Variants in MAP2K5 observed in about 807,000 individuals in gnomAD.
The protein encoded by MAP2K5 is mitogen-activated protein kinase kinase 5.
MAP2K5 carries 49 observed loss-of-function variants against 83.1 expected under a neutral mutation model. The observed-to-expected ratio is 0.59, with a 90% CI of 0.47 to 0.75. The LOEUF (loss-of-function observed/expected upper bound fraction) is 0.75. Among genes scored for constraint, MAP2K5 ranks in the 30% least tolerant of loss-of-function variants. The pLI is 0.00. For missense variants in MAP2K5, 457 were observed against 557.5 expected (o/e 0.82, Z 1.82); for synonymous variants, 202 against 191.8 (o/e 1.05, Z -0.44).
intron 17 of MAP2K5, among the ~76,000 whole-genome samples, chr15:67,740,080 A>G (rs998309366): frequency 1.3e-5 from 2 of 152,178 alleles, no homozygotes; most frequent in African/African-American, 2.4e-5. Context: ...AGTGACTTTT[A>G]GAGGAGAGTC....
chr15:67,545,402 G>T (rs1455177232), intron 1 of MAP2K5, among the ~76,000 whole-genome samples: 1 of 152,228 alleles, frequency 6.6e-6, no homozygotes, highest in African/African-American at 2.4e-5. Flanking sequence ...CAGAACACTA[G>T]GTTTAGAGTC....
chr15:67,680,840 A>T (rs189005507), intron 13 of MAP2K5, among the ~76,000 whole-genome samples: 1 of 152,324 alleles, frequency 6.6e-6, no homozygotes, highest in Non-Finnish European at 1.5e-5. Context: ...TTGTGATTGG[A>T]TAATGTTAAC....
At chr15:67,642,338 G>A (rs1000777708) in intron 9 of MAP2K5, 3 of 1,084,604 alleles carry the variant, frequency 2.8e-6, no homozygotes, top group African/African-American at 3.2e-5. Context: ...GTGCTGGGGG[G>A]GATAGAAAAA....
At position 67,640,917 on chromosome 15, in the gene MAP2K5, G is replaced by T. The variant is rs761874479; in HGVS notation, c.586-5314G>T. On this transcript the variant is annotated intron_variant, in intron 9 of 21. Coordinates refer to ENST00000178640, the MANE Select transcript of MAP2K5 (RefSeq NM_145160.3). This position sits in a 1 kb window ranked among gnomAD's most constrained non-coding sequence, Gnocchi z 4.6. Reference sequence around the variant, plus strand: ...TCAAAGAGAACATTTTGAAAATGATGCTAATCACATTTTAAAGATAACTAT... The same window carrying T: ...TCAAAGAGAACATTTTGAAAATGATTCTAATCACATTTTAAAGATAACTAT... Among the ~76,000 whole-genome samples, 4 of 152,248 alleles carry T rather than the reference G, an allele frequency of 2.6e-5. No homozygotes were observed. The highest frequency in any genetic ancestry group is 2.0e-4 in the Admixed American group (3 of 15,290).
At position 67,689,989 on chromosome 15, in the gene MAP2K5, C is replaced by G. The variant is rs145062114; in HGVS notation, c.848-2490C>G. Reference sequence around the variant, plus strand: ...GTGCAGCCCAGCGCAAATTTGTAAACTTTGTTAAAACATTATGGGATTTTT... The same window carrying G: ...GTGCAGCCCAGCGCAAATTTGTAAAGTTTGTTAAAACATTATGGGATTTTT... On this transcript the variant is annotated intron_variant, in intron 13 of 21. Coordinates refer to ENST00000178640, the MANE Select transcript of MAP2K5 (RefSeq NM_145160.3). 4.6e-3 allele frequency among the ~76,000 whole-genome samples: 696 copies of G among 152,258 alleles called. 5 individuals are homozygous for G. The highest frequency in any genetic ancestry group is 7.3e-3 in the Non-Finnish European group (498 of 68,020).
rs2090366889 is a variant in MAP2K5, at chr15:67,783,633, C to T, written c.1242+10881C>T. ...AACAGTCAATAAAAGAGACCACAAC[C>T]CCTCGAGGAAGAGATCATGTCTTAT... is the stretch of plus-strand genomic sequence containing the variant. On this transcript the variant is annotated intron_variant, in intron 21 of 21. Transcript: ENST00000178640. This position sits in a 1 kb window ranked among gnomAD's most constrained non-coding sequence, Gnocchi z 5.1. Among the ~76,000 whole-genome samples, 1 of 152,148 alleles carries T rather than the reference C, an allele frequency of 6.6e-6. No individual in the cohort carries two copies. The highest frequency in any genetic ancestry group is 1.5e-5 in the Non-Finnish European group (1 of 68,036).
At chr15:67,742,397 C>T (rs932840055) in intron 17 of MAP2K5, among the ~76,000 whole-genome samples, 24 of 152,238 alleles carry the variant, frequency 1.6e-4, no homozygotes, top group African/African-American at 5.3e-4. Flanking sequence ...ATGAAAGCTC[C>T]GGAAAAACCC....
intron 3 of MAP2K5, among the ~76,000 whole-genome samples, chr15:67,580,172 C>T (rs188136765): frequency 1.4e-3 from 208 of 152,202 alleles, no homozygotes; most frequent in Admixed American, 4.8e-3. Flanking sequence ...CAATTTGATC[C>T]GTACTAAAGT....
intron 21 of MAP2K5, among the ~76,000 whole-genome samples, chr15:67,804,183 G>T (rs1017280075): frequency 6.6e-6 from 1 of 152,096 alleles, no homozygotes; most frequent in African/African-American, 2.4e-5. Flanking sequence ...CCTGCTCTCG[G>T]GTCCTACACA....
intron 6 of MAP2K5, among the ~76,000 whole-genome samples, chr15:67,592,118 C>CAAAAA (rs71142384): frequency 0.67 from 79,095 of 117,662 alleles, 28,451 homozygotes; most frequent in Middle Eastern, 0.75. Context: ...AACTATGTCT[C>CAAAAA]AAAAAAAAAA....
chr15:67,764,096 G>A lies in MAP2K5; in HGVS notation c.1135-5506G>A, dbSNP rs2141293274. On this transcript the variant is annotated intron_variant, in intron 19 of 21. Coordinates refer to ENST00000178640, the MANE Select transcript of MAP2K5 (RefSeq NM_145160.3). The surrounding 1 kb of genome is among the most constrained non-coding windows in gnomAD (Gnocchi z 4.9). ...TGGGCTATTAAAAAACAGTTAGAGG[G>A]CTGGCCATATTTCATTTAACTTGCC... 6.6e-6 allele frequency among the ~76,000 whole-genome samples: 1 copy of A among 152,280 alleles called. No homozygotes were observed. The highest frequency in any genetic ancestry group is 3.4e-3 in the Middle Eastern group (1 of 294).
At chr15:67,798,292 A>G (rs1385903712) in intron 21 of MAP2K5, among the ~76,000 whole-genome samples, 1 of 152,056 alleles carries the variant, frequency 6.6e-6, no homozygotes, top group African/African-American at 2.4e-5. Context: ...CATATCCCCC[A>G]CTGTACAGCC....
intron 19 of MAP2K5, among the ~76,000 whole-genome samples, chr15:67,761,602 A>T (rs12593350): frequency 0.083 from 12,589 of 152,144 alleles, 692 homozygotes; most frequent in Admixed American, 0.1. Context: ...TGGACTTTGG[A>T]TTTACAGTGA....
chr15:67,602,888 G>A (rs1293508413), intron 8 of MAP2K5, among the ~76,000 whole-genome samples: 1 of 152,108 alleles, frequency 6.6e-6, no homozygotes, highest in Admixed American at 6.5e-5. Flanking sequence ...TCCTGACCTC[G>A]TGATTCACCT....
chr15:67,681,155 T>G (rs2087806170), intron 13 of MAP2K5, among the ~76,000 whole-genome samples: 1 of 152,234 alleles, frequency 6.6e-6, no homozygotes, highest in Non-Finnish European at 1.5e-5. Flanking sequence ...TTCATTCTCT[T>G]AACAGCCTTG....
chr15:67,602,836 T>G (rs2085691571), intron 8 of MAP2K5, among the ~76,000 whole-genome samples: 1 of 152,186 alleles, frequency 6.6e-6, no homozygotes, highest in Admixed American at 6.5e-5. Flanking sequence ...GTATTTTTAG[T>G]AGAGATGGGG....
chr15:67,632,760 G>A (rs1236210806), intron 9 of MAP2K5, among the ~76,000 whole-genome samples: 1 of 152,142 alleles, frequency 6.6e-6, no homozygotes, highest in African/African-American at 2.4e-5. Flanking sequence ...AAGAATCAGA[G>A]CAATTACATT....
At chr15:67,549,692 CCT>C (rs1235150091) in intron 1 of MAP2K5, among the ~76,000 whole-genome samples, 1 of 152,154 alleles carries the variant, frequency 6.6e-6, no homozygotes, top group Admixed American at 6.5e-5. Context: ...TCTCAAAACC[CCT>C]CTCTCTTTCA....
rs1056898478 is a variant in MAP2K5, at chr15:67,783,661, T to C, written c.1242+10909T>C. 1.3e-5 allele frequency among the ~76,000 whole-genome samples: 2 copies of C among 152,162 alleles called. No homozygotes were observed. Among genetic ancestry groups the C allele is most frequent in the Admixed American group, 6.5e-5 (1 of 15,280 alleles). ...TCGAGGAAGAGATCATGTCTTATCT[T>C]TGTATCCTTAGCATCTAGCCCAGTC... On this transcript the variant is annotated intron_variant, in intron 21 of 21. Coordinates refer to ENST00000178640, the MANE Select transcript of MAP2K5 (RefSeq NM_145160.3). This position sits in a 1 kb window ranked among gnomAD's most constrained non-coding sequence, Gnocchi z 5.1.
Sources: gnomAD v4.1 joint callset for allele counts (sites outside exome capture counted in the v4.1 genomes callset) on GRCh38, gnomAD v4.1.1 for gene constraint, Gnocchi (gnomAD v3.1) non-coding constraint, MANE v1.5 for transcripts, NCBI Gene and HGNC (gene_info 2026-07-23, HGNC 2026-07-21) for gene names.